CHD6: variants seen among roughly 807,000 people sequenced by gnomAD.
CHD6 encodes the protein ATP-dependent chromatin remodeler CHD6.
In CHD6, 50 loss-of-function variants were observed where a neutral mutation model predicts 276.9. The observed-to-expected ratio is 0.18, with a 90% confidence interval of 0.14 to 0.23. The LOEUF is 0.23. Ranked by LOEUF, CHD6 falls within the 10% of genes least tolerant of loss-of-function variation. The pLI is 1.00. For synonymous variants in CHD6, 1,173 were observed against 1,229.3 expected (o/e 0.95, Z 0.96); for missense variants, 2,564 against 3,365.8 (o/e 0.76, Z 5.89).
chr20:41,503,775 T>A (rs544661188), intron 5 of CHD6, among the ~76,000 whole-genome samples: 4 of 152,128 alleles, frequency 2.6e-5, no homozygotes, highest in African/African-American at 7.2e-5. Context: ...AGCACTCCAA[T>A]CAGAAATACT....
chr20:41,431,371 G>A (rs2047531654), intron 27 of CHD6, among the ~76,000 whole-genome samples: 2 of 152,196 alleles, frequency 1.3e-5, no homozygotes, highest in African/African-American at 4.8e-5. Flanking sequence ...CTGCAAGCTA[G>A]AATCAACAGA....
At position 41,423,655 on chromosome 20, in the gene CHD6, G is replaced by A; in HGVS notation, c.4392C>T (p.Ser1464=). The stretch of plus-strand genomic sequence containing the variant: ...TTTCTTGATCGTAAACAACACCAAA[G>A]GAAGACACTGTTCTATAGAAGTCTG... The part of the protein sequence containing the change: ...EQADFYRTVS[S]FGVVYDQEKK... Residue 1464 remains serine (S), a synonymous_variant, in exon 30 of 37, where the codon TCC becomes TCT. Coordinates refer to ENST00000373233, the MANE Select transcript of CHD6 (RefSeq NM_032221.5). The A allele has an allele frequency of 6.2e-7, 1 of 1,614,180 alleles. No homozygotes were observed.
At chr20:41,604,621 AAAGCCTCTCC>A (rs2045808819) in intron 1 of CHD6, among the ~76,000 whole-genome samples, 1 of 152,226 alleles carries the variant, frequency 6.6e-6, no homozygotes, top group Admixed American at 6.5e-5. Flanking sequence ...CTGTCCAGAT[AAAGCCTCTCC>A]AAGTCTCAGG....
At position 41,587,045 on chromosome 20, in the gene CHD6, A is replaced by T. The variant is rs530401913; in HGVS notation, c.-24+31295T>A. ...AATAAAATGGTTATTTGCACTTGAC[A>T]TAACTAATCATAACATAGAAAATTC... On this transcript the variant is annotated intron_variant, in intron 1 of 36. Transcript: ENST00000373233. Among the ~76,000 whole-genome samples the T allele has an allele frequency of 3.3e-5, 5 of 152,352 alleles. No homozygotes were observed. The East Asian group carries it at 9.6e-4, about 29-fold the overall frequency.
In CHD6 at chr20:41,403,226, A is replaced by G. The variant is rs943534271; in HGVS notation, c.*1367T>C. The G allele has an allele frequency of 6.7e-6, 7 of 1,046,108 alleles. No individual in the cohort carries two copies. The highest frequency in any genetic ancestry group is 5.4e-5 in the Admixed American group (1 of 18,538). The allele number at this position is 1,046,108 out of a possible 1,614,324, so 64.8% of individuals were successfully genotyped here. ...AAAAAGTGAAACTGGTACTAGTAAC[A>G]CTTGCAACATTTCCAAGGGTCCTGC... On this transcript the variant is annotated 3_prime_UTR_variant, in exon 37 of 37. Transcript: ENST00000373233.
chr20:41,561,241 G>A (rs2045298384), intron 1 of CHD6, among the ~76,000 whole-genome samples: 1 of 152,110 alleles, frequency 6.6e-6, no homozygotes, highest in African/African-American at 2.4e-5. Context: ...TCCCAATATA[G>A]TTATTATCAC....
chr20:41,548,404 A>C (rs1394880572), intron 2 of CHD6, among the ~76,000 whole-genome samples: 1 of 152,226 alleles, frequency 6.6e-6, no homozygotes, highest in East Asian at 1.9e-4. Context: ...AAATCTCACA[A>C]GAAACCAGAA....
chr20:41,565,374 G>A (rs1286684692), intron 1 of CHD6, among the ~76,000 whole-genome samples: 1 of 152,302 alleles, frequency 6.6e-6, no homozygotes, highest in East Asian at 1.9e-4. Flanking sequence ...GATTACAGGC[G>A]TGAGCCACCG....
At chr20:41,574,035 T>A (rs778400814) in intron 1 of CHD6, among the ~76,000 whole-genome samples, 13 of 151,968 alleles carry the variant, frequency 8.6e-5, no homozygotes, top group African/African-American at 2.9e-4. Flanking sequence ...AGATAAATAG[T>A]GGATCTAACT....
At chr20:41,432,368 G>A (rs6129837) in intron 27 of CHD6, among the ~76,000 whole-genome samples, 34,972 of 151,918 alleles carry the variant, frequency 0.23, 4,205 homozygotes, top group East Asian at 0.39. Context: ...TTTCCAGGTG[G>A]TAATAGGGTA....
chr20:41,514,883 C>T lies in CHD6; in HGVS notation c.624G>A (p.Glu208=), dbSNP rs1568663139. ...TCAGGCCCTGATCCAGCTCTAAACT[C>T]TCCACTGTAGTTTCACTTTTCCTTT... The part of the protein sequence containing the change: ...KGKRKSETTV[E]SLELDQGLTN... The change falls in exon 4 of 37, where the codon GAG becomes GAA. Residue 208 remains glutamate, a synonymous_variant. Transcript: ENST00000373233. The T allele has an allele frequency of 1.2e-6, 2 of 1,614,086 alleles. No homozygotes were observed. Among genetic ancestry groups the T allele is most frequent in the Non-Finnish European group, 1.7e-6 (2 of 1,179,970 alleles).
intron 23 of CHD6, among the ~76,000 whole-genome samples, chr20:41,449,262 C>A (rs927135019): frequency 6.6e-6 from 1 of 152,160 alleles, no homozygotes; most frequent in South Asian, 2.1e-4. Flanking sequence ...AAATTTACAA[C>A]CACTGCCAAT....
intron 1 of CHD6, among the ~76,000 whole-genome samples, chr20:41,562,593 C>G (rs1032248606): frequency 1.3e-5 from 2 of 151,616 alleles, no homozygotes; most frequent in Non-Finnish European, 2.9e-5. Context: ...GAAAAATTAT[C>G]TTTTGTGTAT....
Position 41,475,841 on chromosome 20 carries a change from C to T in CHD6, c.2469-2324G>A, listed in dbSNP as rs148822078. ...GGGAAATCAATACATAGTGATGATA[C>T]AGCTCAGCCATCACCTAGGGAAACC... On this transcript the variant is annotated intron_variant, in intron 16 of 36. Coordinates refer to ENST00000373233, the MANE Select transcript of CHD6 (RefSeq NM_032221.5). 7.4e-3 allele frequency among the ~76,000 whole-genome samples: 1,128 copies of T among 152,276 alleles called. 2 individuals carry two copies. The highest frequency in any genetic ancestry group is 0.012 in the African/African-American group (494 of 41,546).
Position 41,420,819 on chromosome 20 carries a change from T to G in CHD6, c.5816A>C (p.His1939Pro). 1.9e-6 allele frequency: 3 copies of G among 1,614,226 alleles called. No homozygotes were observed. Among genetic ancestry groups the G allele is most frequent in the Non-Finnish European group, 2.5e-6 (3 of 1,180,034 alleles). Residue 1939 changes from histidine to proline, a missense_variant, in exon 31 of 37, where the codon CAC becomes CCC. Physicochemically the swap from His to Pro is moderately conservative, Grantham distance 77. Coordinates refer to ENST00000373233, the MANE Select transcript of CHD6 (RefSeq NM_032221.5). ...CATCCACCTCTCCATGTGTTTGCAG[T>G]GGCACTGACAGGCTGCTGGAGCGGG... The part of the protein sequence containing the change: ...AFPAPAACQC[H>P]CKHMERWMHG...
At chr20:41,512,265 C>A (rs907147483) in intron 5 of CHD6, among the ~76,000 whole-genome samples, 2 of 151,904 alleles carry the variant, frequency 1.3e-5, no homozygotes, top group African/African-American at 4.8e-5. Flanking sequence ...AATGCCCGGC[C>A]AAGACTTTCA....
At chr20:41,600,435 G>A (rs886969352) in intron 1 of CHD6, among the ~76,000 whole-genome samples, 2 of 152,142 alleles carry the variant, frequency 1.3e-5, no homozygotes, top group African/African-American at 4.8e-5. Flanking sequence ...TAGAGTGAGG[G>A]GGGGGTCTTA....
intron 1 of CHD6, among the ~76,000 whole-genome samples, chr20:41,568,930 A>G (rs949311871): frequency 5.9e-5 from 9 of 152,336 alleles, no homozygotes; most frequent in African/African-American, 2.2e-4. Context: ...ATATAAATTG[A>G]GAATGTTTTT....
chr20:41,597,974 C>G (rs2045735759), intron 1 of CHD6, among the ~76,000 whole-genome samples: 1 of 152,094 alleles, frequency 6.6e-6, no homozygotes, highest in Non-Finnish European at 1.5e-5. Context: ...GAATCCCGTC[C>G]TCTGCAAACA....
Sources: allele counts gnomAD v4.1 joint callset (sites outside exome capture counted in the v4.1 genomes callset), GRCh38; gene constraint gnomAD v4.1.1; transcripts MANE v1.5; gene names NCBI Gene and HGNC (gene_info 2026-07-23, HGNC 2026-07-21).